Variants in GLRA1 observed in about 807,000 individuals in gnomAD.
GLRA1 encodes glycine receptor subunit alpha-1.
A neutral mutation model predicts 48.3 loss-of-function variants in GLRA1; 37 were observed. The observed-to-expected ratio is 0.77, with a 90% CI of 0.59 to 1.01. GLRA1 has a LOEUF of 1.01. Among genes scored for constraint, GLRA1 ranks in the 50% least tolerant of loss-of-function variants. GLRA1 has a pLI of 0.00. For synonymous variants in GLRA1, 196 were observed against 210.7 expected, an observed-to-expected ratio of 0.93 and a Z score of 0.60; for missense variants, 427 against 571.0, an observed-to-expected ratio of 0.75 and a Z score of 2.57.
chr5:151,851,422 G>C lies in GLRA1; in HGVS notation c.880C>G (p.Gln294Glu). The change falls in exon 7 of 9, where the codon CAG becomes GAG. Residue 294 changes from glutamine to glutamate, a missense_variant. By Grantham distance (29) the Gln-to-Glu change is conservative. Coordinates refer to ENST00000274576, the MANE Select transcript of GLRA1 (RefSeq NM_000171.4). ...AGAGATGCTCGAGAGCCGGAGCTCT[G>C]GGTGGTCATGGTGAGCACAGTGGTG... ...GITTVLTMTT[Q>E]SSGSRASLPK... The C allele has an allele frequency of 6.2e-6, 10 of 1,613,744 alleles. No individual in the cohort carries two copies. The highest frequency in any genetic ancestry group is 7.6e-6 in the Non-Finnish European group (9 of 1,179,840).
In GLRA1 at chr5:151,924,703, A is replaced by T; in HGVS notation, c.-154T>A. The stretch of plus-strand genomic sequence containing the variant: ...GCGCGGAGGGAGAGCCCCAGGGGAA[A>T]TTGGAGCGAGGGGGTCGTAGATACC... On this transcript the variant is annotated 5_prime_UTR_variant, in exon 1 of 9. Transcript: ENST00000274576. 7.0e-6 allele frequency: 5 copies of T among 710,394 alleles called. No individual in the cohort carries two copies. The highest frequency in any genetic ancestry group is 1.0e-5 in the Non-Finnish European group (4 of 387,342). The allele number at this position is 710,394 out of a possible 1,614,324, so 44.0% of individuals were successfully genotyped here. A position where few individuals can be genotyped will look rare whatever the true frequency, so the allele number is the denominator to read the frequency against.
intron 3 of GLRA1, among the ~76,000 whole-genome samples, chr5:151,879,729 C>CTT (rs1360192450): frequency 4.6e-5 from 7 of 152,086 alleles, no homozygotes; most frequent in Non-Finnish European, 8.8e-5. Flanking sequence ...GGACTGTGGA[C>CTT]TTTTGAATTA....
chr5:151,843,130 A>G (rs1752543791), intron 7 of GLRA1, among the ~76,000 whole-genome samples: 1 of 152,146 alleles, frequency 6.6e-6, no homozygotes, highest in Non-Finnish European at 1.5e-5. Context: ...TCCCATGTTG[A>G]TGGAATTGGA....
At chr5:151,853,917 TGAGAA>T (rs1377703165) in intron 6 of GLRA1, among the ~76,000 whole-genome samples, 3 of 152,128 alleles carry the variant, frequency 2.0e-5, no homozygotes, top group Non-Finnish European at 4.4e-5. Context: ...ACACACACAA[TGAGAA>T]GTATGTGAGT....
intron 3 of GLRA1, among the ~76,000 whole-genome samples, chr5:151,882,312 T>C (rs1753781555): frequency 6.6e-6 from 1 of 152,234 alleles, no homozygotes; most frequent in South Asian, 2.1e-4. Context: ...AGCTTTCTCA[T>C]CTGTAAACTG....
intron 3 of GLRA1, among the ~76,000 whole-genome samples, chr5:151,880,595 C>A (rs1307437297): frequency 4.0e-5 from 1 of 25,310 alleles, no homozygotes; most frequent in East Asian, 2.0e-3. Context: ...AACACACACT[C>A]TCTCTCTCTC....
At chr5:151,886,581 G>A in intron 3 of GLRA1, 140 bp downstream of exon 3, 2 of 714,946 alleles carry the variant, frequency 2.8e-6, no homozygotes, top group Non-Finnish European at 5.2e-6. Context: ...AGACATCCGA[G>A]CCTCATGGTA....
At chr5:151,822,998 T>G in intron 8 of GLRA1, 35 bp from the exon 9 acceptor site, 1 of 1,557,988 alleles carries the variant, frequency 6.4e-7, no homozygotes, top group Non-Finnish European at 8.7e-7. Flanking sequence ...CTACTTAAAA[T>G]AAGACAGGGG....
At chr5:151,911,538 A>T (rs370767045) in intron 1 of GLRA1, among the ~76,000 whole-genome samples, 1 of 152,042 alleles carries the variant, frequency 6.6e-6, no homozygotes, top group Non-Finnish European at 1.5e-5. Context: ...GCTCCAAGGC[A>T]TACACATAGC....
At chr5:151,877,239 C>T (rs553490601) in intron 3 of GLRA1, among the ~76,000 whole-genome samples, 17 of 152,296 alleles carry the variant, frequency 1.1e-4, no homozygotes, top group African/African-American at 4.1e-4. Context: ...TGCTGAGCTA[C>T]TACCTGGGGG....
chr5:151,857,037 G>T (rs1753064398), intron 4 of GLRA1, among the ~76,000 whole-genome samples: 1 of 152,204 alleles, frequency 6.6e-6, no homozygotes, highest in South Asian at 2.1e-4. Flanking sequence ...GCCCGGGCCT[G>T]GCGGCAGGCT....
At chr5:151,827,029 G>GTTTTTTTTTTTTTTTTTTTTTTTTTTTTT (rs199505206) in intron 8 of GLRA1, among the ~76,000 whole-genome samples, 1 of 126,802 alleles carries the variant, frequency 7.9e-6, no homozygotes, top group African/African-American at 2.9e-5. Flanking sequence ...CTTTCTTTCT[G>GTTTTTTTTTTTTTTTTTTTTTTTTTTTTT]TTTTTTTTTT....
intron 3 of GLRA1, among the ~76,000 whole-genome samples, chr5:151,862,951 T>C (rs1314788710): frequency 2.0e-5 from 3 of 152,312 alleles, no homozygotes; most frequent in South Asian, 2.1e-4. Flanking sequence ...ACCCAAGTGT[T>C]CTGACTTCTA....
chr5:151,902,098 A>G (rs1754380720), intron 1 of GLRA1, among the ~76,000 whole-genome samples: 2 of 152,352 alleles, frequency 1.3e-5, no homozygotes, highest in South Asian at 4.1e-4. Flanking sequence ...ATTGGAAAAT[A>G]TAGGTTGGGA....
Position 151,859,891 on chromosome 5 carries a change from G to A in GLRA1, c.370C>T (p.Pro124Ser). 6.2e-7 allele frequency: 1 copy of A among 1,614,076 alleles called. No individual in the cohort carries two copies. Among genetic ancestry groups the A allele is most frequent in the South Asian group, 1.1e-5 (1 of 91,070 alleles). Residue 124 changes from proline (P) to serine (S), a missense_variant, in exon 4 of 9, where the codon CCT becomes TCT. Coordinates refer to ENST00000274576, the MANE Select transcript of GLRA1 (RefSeq NM_000171.4). ...TTCTCGTTGGCAAAGAACAGGTCAG[G>A]TTTCCAGATGGAGTCCAGCATGGAT... ...DPSMLDSIWKPDLFFANEKGA... is the reference protein window; with the variant it reads ...DPSMLDSIWKSDLFFANEKGA...
chr5:151,840,098 T>TG (rs974663957), intron 7 of GLRA1, among the ~76,000 whole-genome samples: 21 of 124,278 alleles, frequency 1.7e-4, no homozygotes, highest in African/African-American at 6.2e-4. Context: ...TAGAAAATAC[T>TG]GTTTTTTTTT....
At chr5:151,901,167 G>T (rs1754358183) in intron 1 of GLRA1, among the ~76,000 whole-genome samples, 2 of 152,172 alleles carry the variant, frequency 1.3e-5, no homozygotes, top group African/African-American at 4.8e-5. Flanking sequence ...CACTGGCCTA[G>T]GTCAAACCTA....
intron 7 of GLRA1, among the ~76,000 whole-genome samples, chr5:151,836,345 T>C (rs942990879): frequency 1.3e-5 from 2 of 152,192 alleles, no homozygotes; most frequent in Non-Finnish European, 2.9e-5. Flanking sequence ...TGCTCATGGA[T>C]AGGAAGAATT....
At chr5:151,852,469 G>C (rs777133063) in intron 6 of GLRA1, among the ~76,000 whole-genome samples, 8 of 152,168 alleles carry the variant, frequency 5.3e-5, no homozygotes, top group Non-Finnish European at 1.2e-4. Flanking sequence ...TCTGTCTTCT[G>C]CACTAGACTA....
Sources: allele counts gnomAD v4.1 joint callset (sites outside exome capture counted in the v4.1 genomes callset), GRCh38; gene constraint gnomAD v4.1.1; transcripts MANE v1.5; gene names NCBI Gene and HGNC (gene_info 2026-07-23, HGNC 2026-07-21).